The following INSL4 variants were observed in gnomAD, a reference collection of about 807,000 sequenced individuals.
INSL4 encodes the protein insulin like 4.
A neutral mutation model predicts 6.5 loss-of-function variants in INSL4; 7 were observed. The ratio of observed to expected loss-of-function variants is 1.08; its 90% CI spans 0.61 to 2.02. The LOEUF (loss-of-function observed/expected upper bound fraction) is 2.02. Among genes scored for constraint, INSL4 ranks in the 30% most tolerant of loss-of-function variants. The pLI, the probability that INSL4 is intolerant of heterozygous loss-of-function variation, is 0.00. For synonymous variants in INSL4, 82 were observed against 65.8 expected (o/e 1.25, Z -1.19); for missense variants, 226 against 163.2 (o/e 1.38, Z -2.09).
rs1826150207 is a variant in INSL4 at position 5,231,783 on chromosome 9, T to G, written c.196+64T>G. On this transcript the variant is annotated intron_variant, in intron 1 of 1. Transcript: ENST00000239316. ...TGAAAAAACAGGCTCCAGATCTCAT[T>G]GACTGCCTGTAGTCAACTCAGACTC... 3 of 1,420,928 alleles carry G rather than the reference T, an allele frequency of 2.1e-6. No homozygotes were observed. In the Admixed American group the frequency reaches 5.6e-5, roughly 26 times the overall value. The allele number at this position is 1,420,928 out of a possible 1,614,324, so 88.0% of individuals were successfully genotyped here. A position where few individuals can be genotyped will look rare whatever the true frequency, so the allele number is the denominator to read the frequency against.
rs1190663459 is a variant in INSL4 at position 5,231,505 on chromosome 9, A to G, written c.-19A>G. The G allele has an allele frequency of 6.2e-7, 1 of 1,608,906 alleles. No individual in the cohort carries two copies. On this transcript the variant is annotated 5_prime_UTR_variant, in exon 1 of 2. Coordinates refer to ENST00000239316, the MANE Select transcript of INSL4 (RefSeq NM_002195.2). ...AAGAAAGGCTGAGAACACCCAGAAC[A>G]GGAGAGTTCAGGTCCAGGATGGCCA...
At chr9:5,232,291 G>C (rs1391983453) in intron 1 of INSL4, among the ~76,000 whole-genome samples, 1 of 152,156 alleles carries the variant, frequency 6.6e-6, no homozygotes, top group East Asian at 1.9e-4. Context: ...TTGTCATTAA[G>C]CTGGGCAGTG....
chr9:5,233,184 A>G (rs1476084576), intron 1 of INSL4, among the ~76,000 whole-genome samples: 5 of 152,166 alleles, frequency 3.3e-5, no homozygotes, highest in African/African-American at 1.2e-4. Flanking sequence ...TGGTGTCGAC[A>G]CATATAGATG....
chr9:5,234,472 G>T lies in INSL4; in HGVS notation c.*595G>T. 6.5e-6 allele frequency: 1 copy of T among 154,006 alleles called. No homozygotes were observed. The highest frequency in any genetic ancestry group is 1.4e-5 in the Non-Finnish European group (1 of 69,292). The allele number at this position is 154,006 out of a possible 1,614,324, so 9.5% of individuals were successfully genotyped here. ...GCAGTGAAGGAATGAACTGGTGGGAGAGGTATTAGGCATGTTCACCCTAGG... is the reference window on the plus strand; with the variant it reads ...GCAGTGAAGGAATGAACTGGTGGGATAGGTATTAGGCATGTTCACCCTAGG... On this transcript the variant is annotated 3_prime_UTR_variant, in exon 2 of 2. Coordinates refer to ENST00000239316, the MANE Select transcript of INSL4 (RefSeq NM_002195.2).
Position 5,233,897 on chromosome 9 carries a change from A to T in INSL4, c.*20A>T. On this transcript the variant is annotated 3_prime_UTR_variant, in exon 2 of 2. Coordinates refer to ENST00000239316, the MANE Select transcript of INSL4 (RefSeq NM_002195.2). ...ACATAGTAGAGTAATCATGGACTGGACATCTCATCCATTCTCATATGTATT... is the reference window on the plus strand; with the variant it reads ...ACATAGTAGAGTAATCATGGACTGGTCATCTCATCCATTCTCATATGTATT... 1.3e-6 allele frequency: 2 copies of T among 1,500,312 alleles called. No individual in the cohort carries two copies. Among genetic ancestry groups the T allele is most frequent in the African/African-American group, 1.4e-5 (1 of 72,592 alleles). The allele number at this position is 1,500,312 out of a possible 1,614,324, so 92.9% of individuals were successfully genotyped here.
chr9:5,232,808 G>A (rs1028404115), intron 1 of INSL4, among the ~76,000 whole-genome samples: 4 of 152,168 alleles, frequency 2.6e-5, no homozygotes, highest in African/African-American at 9.6e-5. Flanking sequence ...TGTGACTCCA[G>A]AACTGCTTCT....
chr9:5,231,645 C>G lies in INSL4; in HGVS notation c.122C>G (p.Ser41Ter). 1 of 1,613,860 alleles carries G rather than the reference C, an allele frequency of 6.2e-7. No individual in the cohort carries two copies. The highest frequency in any genetic ancestry group is 1.7e-5 in the Admixed American group (1 of 60,000). ...CGPRFGKHLL[S>*]YCPMPEKTFT... ...CCCCGATTTGGAAAACACTTGCTGT[C>G]ATATTGCCCCATGCCTGAGAAGACA... The change falls in exon 1 of 2, where the codon TCA (serine) becomes TGA (stop). Residue 41 changes from serine (S) to a stop codon, truncating the protein, a stop_gained. Coordinates refer to ENST00000239316, the MANE Select transcript of INSL4 (RefSeq NM_002195.2). LOFTEE classifies it high-confidence loss of function.
chr9:5,232,684 T>C (rs919187389), intron 1 of INSL4, among the ~76,000 whole-genome samples: 10 of 152,220 alleles, frequency 6.6e-5, no homozygotes, highest in Non-Finnish European at 1.2e-4. Flanking sequence ...CGAAAAGAGA[T>C]AGAGGCTACT....
Position 5,231,599 on chromosome 9 carries a change from G to T in INSL4, c.76G>T (p.Ala26Ser), listed in dbSNP as rs1826146132. Residue 26 changes from alanine (A) to serine (S), a missense_variant, in exon 1 of 2, where the codon GCA becomes TCA. Transcript: ENST00000239316. ...LSQLLRESLA[A>S]ELRGCGPRFG... is the part of the protein sequence containing the mutation. ...CCAACTCCTTAGAGAAAGCCTAGCA[G>T]CAGAGCTGAGGGGATGTGGTCCCCG... 2 of 1,613,958 alleles carry T rather than the reference G, an allele frequency of 1.2e-6. No homozygotes were observed. The highest frequency in any genetic ancestry group is 1.7e-6 in the Non-Finnish European group (2 of 1,179,890).
rs12720 is a variant in INSL4, at chr9:5,231,712, T to G, written c.189T>G (p.Arg63=). 1 of 1,612,392 alleles carries G rather than the reference T, an allele frequency of 6.2e-7. No individual in the cohort carries two copies. Among genetic ancestry groups the G allele is most frequent in the African/African-American group, 1.3e-5 (1 of 74,796 alleles). The part of the protein sequence containing the change: ...TPGGWLLESG[R]PKEMVSTSNN... ...GAGGGTGGCTGCTGGAATCTGGACG[T>G]CCCAAAGGTGAGAGCCCTGGACTAC... Residue 63 remains arginine (R), a synonymous_variant, in exon 1 of 2, where the codon CGT becomes CGG. Transcript: ENST00000239316.
chr9:5,232,042 A>G (rs1429522883), intron 1 of INSL4, among the ~76,000 whole-genome samples: 2 of 152,058 alleles, frequency 1.3e-5, no homozygotes, highest in African/African-American at 4.8e-5. Context: ...CACCAGCAGG[A>G]GGTGAGGTGT....
At position 5,234,326 on chromosome 9, in the gene INSL4, AAC is replaced by A. The variant is rs1263287564; in HGVS notation, c.*453_*454del. Reference sequence around the variant, plus strand: ...AAATTTTTAAAGTTTTACACACATAAACACATACGTTCACACACACTCACTCA... The same window carrying A: ...AAATTTTTAAAGTTTTACACACATAAACATACGTTCACACACACTCACTCA... On this transcript the variant is annotated 3_prime_UTR_variant, in exon 2 of 2. Coordinates refer to ENST00000239316, the MANE Select transcript of INSL4 (RefSeq NM_002195.2). The A allele has an allele frequency of 1.2e-5, 2 of 164,824 alleles. No homozygotes were observed. The highest frequency in any genetic ancestry group is 4.8e-5 in the African/African-American group (2 of 41,286). The allele number at this position is 164,824 out of a possible 1,614,324, so 10.2% of individuals were successfully genotyped here. A position where few individuals can be genotyped will look rare whatever the true frequency, so the allele number is the denominator to read the frequency against.
intron 1 of INSL4, among the ~76,000 whole-genome samples, chr9:5,232,324 T>C (rs910006153): frequency 1.3e-5 from 2 of 152,152 alleles, no homozygotes; most frequent in Admixed American, 6.5e-5. Flanking sequence ...AAAAACGTCC[T>C]CTTACAAAAA....
chr9:5,232,544 C>A (rs1039078677), intron 1 of INSL4, among the ~76,000 whole-genome samples: 1 of 152,096 alleles, frequency 6.6e-6, no homozygotes, highest in African/African-American at 2.4e-5. Flanking sequence ...GACTGCAAAG[C>A]ATTTTCTTTA....
Position 5,232,202 on chromosome 9 carries a change from TA to T in INSL4, c.196+484del, listed in dbSNP as rs574562266. 6.6e-5 allele frequency among the ~76,000 whole-genome samples: 10 copies of T among 152,262 alleles called. No homozygotes were observed. In the South Asian group the frequency reaches 2.1e-3, roughly 32 times the overall value. On this transcript the variant is annotated intron_variant, in intron 1 of 1. Transcript: ENST00000239316. Reference sequence around the variant, plus strand: ...ATTTCTGTTTATGCACCTATTGGCCTAGGGGCAGCACACTGAGACCTCTGTT... The same window carrying T: ...ATTTCTGTTTATGCACCTATTGGCCTGGGGCAGCACACTGAGACCTCTGTT...
intron 1 of INSL4, among the ~76,000 whole-genome samples, chr9:5,233,341 T>C (rs1233602208): frequency 6.6e-6 from 1 of 152,092 alleles, no homozygotes; most frequent in Admixed American, 6.6e-5. Flanking sequence ...CATAATGCAT[T>C]GAGGTTATCA....
intron 1 of INSL4, 100 bp from the exon 2 acceptor site, chr9:5,233,554 C>A: frequency 2.6e-6 from 2 of 769,956 alleles, no homozygotes; most frequent in Non-Finnish European, 4.3e-6. Context: ...TACATGGAGG[C>A]AATGGGTACA....
At position 5,233,711 on chromosome 9, in the gene INSL4, T is replaced by G. The variant is rs967902691; in HGVS notation, c.254T>G (p.Phe85Cys). The G allele has an allele frequency of 1.2e-6, 2 of 1,613,724 alleles. No individual in the cohort carries two copies. The highest frequency in any genetic ancestry group is 1.7e-6 in the Non-Finnish European group (2 of 1,179,752). ...CAAGCCTTAGGTACGACATCAGAAT[T>G]CATTCCTAATTTGTCACCAGAGCTG... ...DGQALGTTSE[F>C]IPNLSPELKK... The change falls in exon 2 of 2, where the codon TTC (phenylalanine) becomes TGC (cysteine). Residue 85 changes from phenylalanine to cysteine, a missense_variant. Phe to Cys is a radical substitution (Grantham distance 205). Coordinates refer to ENST00000239316, the MANE Select transcript of INSL4 (RefSeq NM_002195.2).
At position 5,231,679 on chromosome 9, in the gene INSL4, C is replaced by CA. The variant is rs781345875; in HGVS notation, c.157dup (p.Thr53AsnfsTer36). The CA allele has an allele frequency of 4.8e-5, 78 of 1,613,724 alleles. No individual in the cohort carries two copies. The highest frequency in any genetic ancestry group is 6.7e-5 in the Admixed American group (4 of 59,980). ...CCATGCCTGAGAAGACATTCACCAC[C>CA]ACCCCAGGAGGGTGGCTGCTGGAAT... is the stretch of plus-strand genomic sequence containing the variant. On this transcript the variant is annotated frameshift_variant, in exon 1 of 2. Transcript: ENST00000239316. LOFTEE classifies it low-confidence loss of function (END_TRUNC).
Sources: gnomAD v4.1 joint callset for allele counts (sites outside exome capture counted in the v4.1 genomes callset) on GRCh38, gnomAD v4.1.1 for gene constraint, MANE v1.5 for transcripts, NCBI Gene and HGNC (gene_info 2026-07-23, HGNC 2026-07-21) for gene names.